PHLPP1: variants seen among roughly 807,000 people sequenced by gnomAD.
PHLPP1 encodes the protein PH domain leucine-rich repeat-containing protein phosphatase 1.
PHLPP1 carries 42 observed loss-of-function variants against 117.2 expected under a neutral mutation model. The observed-to-expected ratio is 0.36, with a 90% CI of 0.28 to 0.46. The LOEUF (loss-of-function observed/expected upper bound fraction) is 0.46, where lower values mean the gene tolerates loss of function less well. Ranked by LOEUF, PHLPP1 falls within the 20% of genes least tolerant of loss-of-function variation. The pLI is 1.00. For synonymous variants in PHLPP1, 1,042 were observed against 970.7 expected (o/e 1.07, Z -1.37); for missense variants, 2,084 against 2,241.9 (o/e 0.93, Z 1.42).
chr18:62,951,301 G>T (rs1421495771), intron 12 of PHLPP1, among the ~76,000 whole-genome samples: 3 of 152,044 alleles, frequency 2.0e-5, no homozygotes, highest in Admixed American at 1.3e-4. Context: ...AGTTTTGTGT[G>T]TGTTTGTTTT....
At chr18:62,901,116 T>TA (rs1045065350) in intron 6 of PHLPP1, among the ~76,000 whole-genome samples, 2 of 152,182 alleles carry the variant, frequency 1.3e-5, no homozygotes, top group African/African-American at 4.8e-5. Flanking sequence ...CAATGCTTAT[T>TA]ATTTTAGTAC....
chr18:62,808,823 G>A (rs1914031651), intron 1 of PHLPP1, among the ~76,000 whole-genome samples: 1 of 152,036 alleles, frequency 6.6e-6, no homozygotes, highest in South Asian at 2.1e-4. Context: ...CAAAGTGCTG[G>A]GATTACAGGC....
chr18:62,920,480 T>C (rs904063686), intron 10 of PHLPP1, among the ~76,000 whole-genome samples: 1 of 152,320 alleles, frequency 6.6e-6, no homozygotes, highest in Non-Finnish European at 1.5e-5. Context: ...CGCTTTCACA[T>C]GTTTGGGACT....
chr18:62,914,348 C>G lies in PHLPP1; in HGVS notation c.2709-565C>G, dbSNP rs532542047. On this transcript the variant is annotated intron_variant, in intron 8 of 16. Coordinates refer to ENST00000262719, the MANE Select transcript of PHLPP1 (RefSeq NM_194449.4). ...TGAACTTGGCATAGGTCTATAGACC[C>G]TTTAGGAAAGTAAATTTGGAGCTAG... Among the ~76,000 whole-genome samples, 4 of 152,238 alleles carry G rather than the reference C, an allele frequency of 2.6e-5. No homozygotes were observed. The East Asian group carries it at 7.7e-4, about 29-fold the overall frequency.
intron 4 of PHLPP1, among the ~76,000 whole-genome samples, chr18:62,866,525 A>G (rs1243003270): frequency 6.6e-6 from 1 of 152,146 alleles, no homozygotes. Flanking sequence ...GATTACAGGC[A>G]TGAGCCACCA....
At chr18:62,955,475 G>A (rs1434707386) in intron 12 of PHLPP1, among the ~76,000 whole-genome samples, 1 of 152,134 alleles carries the variant, frequency 6.6e-6, no homozygotes, top group Non-Finnish European at 1.5e-5. Context: ...GCCCTCCGGG[G>A]GAAATGGGAT....
At chr18:62,974,008 T>C (rs1259439263) in intron 15 of PHLPP1, among the ~76,000 whole-genome samples, 1 of 152,188 alleles carries the variant, frequency 6.6e-6, no homozygotes, top group African/African-American at 2.4e-5. Context: ...ACAGCAAGCA[T>C]GTATCATATG....
At chr18:62,921,524 G>A (rs1909469254) in intron 10 of PHLPP1, among the ~76,000 whole-genome samples, 1 of 152,064 alleles carries the variant, frequency 6.6e-6, no homozygotes, top group Non-Finnish European at 1.5e-5. Context: ...TTGTTCACTT[G>A]TCTCTCTCCA....
At position 62,849,544 on chromosome 18, in the gene PHLPP1, C is replaced by G. The variant is rs540965751; in HGVS notation, c.1899+10635C>G. On this transcript the variant is annotated intron_variant, in intron 3 of 16. Coordinates refer to ENST00000262719, the MANE Select transcript of PHLPP1 (RefSeq NM_194449.4). The stretch of plus-strand genomic sequence containing the variant: ...GGCATTGTGGCACATGCCTGTAATT[C>G]CAGCTACTCAGGAGGCTGAGGCAGG... 4.1e-3 allele frequency among the ~76,000 whole-genome samples: 612 copies of G among 150,756 alleles called. 4 individuals carry two copies. The highest frequency in any genetic ancestry group is 0.014 in the African/African-American group (579 of 40,940).
At chr18:62,720,383 G>A (rs1310857827) in intron 1 of PHLPP1, among the ~76,000 whole-genome samples, 1 of 152,060 alleles carries the variant, frequency 6.6e-6, no homozygotes, top group Non-Finnish European at 1.5e-5. Flanking sequence ...AATGACAAAG[G>A]GTGTTGACAG....
At chr18:62,945,709 G>C (rs1361788771) in intron 12 of PHLPP1, among the ~76,000 whole-genome samples, 3 of 152,152 alleles carry the variant, frequency 2.0e-5, no homozygotes, top group African/African-American at 7.2e-5. Flanking sequence ...CACCATATTA[G>C]CCCACTAATG....
intron 1 of PHLPP1, among the ~76,000 whole-genome samples, chr18:62,810,640 T>C (rs1054784912): frequency 6.6e-6 from 1 of 152,178 alleles, no homozygotes; most frequent in Admixed American, 6.5e-5. Flanking sequence ...TCTGAAAATA[T>C]CTTACTATAC....
At chr18:62,874,655 G>GTGCA (rs1568146197) in intron 4 of PHLPP1, among the ~76,000 whole-genome samples, 2 of 59,022 alleles carry the variant, frequency 3.4e-5, no homozygotes, top group East Asian at 1.1e-3. Flanking sequence ...GCACGCACGC[G>GTGCA]CGCACACACA....
intron 4 of PHLPP1, among the ~76,000 whole-genome samples, chr18:62,870,904 G>C (rs1410017122): frequency 6.6e-6 from 1 of 152,168 alleles, no homozygotes; most frequent in East Asian, 1.9e-4. Flanking sequence ...AACTCTTCAA[G>C]TTAGTTTTCA....
At chr18:62,900,680 G>A (rs575746038) in intron 6 of PHLPP1, among the ~76,000 whole-genome samples, 1 of 151,842 alleles carries the variant, frequency 6.6e-6, no homozygotes, top group Admixed American at 6.6e-5. Flanking sequence ...GCCCAGTCTG[G>A]TCTCAAACGA....
chr18:62,902,537 C>T (rs910934957), intron 6 of PHLPP1, among the ~76,000 whole-genome samples: 4 of 152,134 alleles, frequency 2.6e-5, no homozygotes, highest in African/African-American at 4.8e-5. Context: ...ATTAAATATT[C>T]GTTGTAGTTG....
rs1268482391 is a variant in PHLPP1, at chr18:62,978,476, A to G, written c.4199A>G (p.Lys1400Arg). ...GTGCCCGATGCCCTGGCTGCTGCCAAGAAGCTGTGTACCCTGGCCCAGAGC... is the reference window on the plus strand; with the variant it reads ...GTGCCCGATGCCCTGGCTGCTGCCAGGAAGCTGTGTACCCTGGCCCAGAGC... ...RNVPDALAAA[K>R]KLCTLAQSYG... Residue 1400 changes from lysine (K) to arginine (R), a missense_variant, in exon 17 of 17, where the codon AAG becomes AGG. Physicochemically the swap from Lys to Arg is conservative, Grantham distance 26 (BLOSUM62 2). Coordinates refer to ENST00000262719, the MANE Select transcript of PHLPP1 (RefSeq NM_194449.4). This position sits in a 1 kb window ranked among gnomAD's most constrained non-coding sequence, Gnocchi z 7.0. 1.2e-6 allele frequency: 2 copies of G among 1,609,774 alleles called. No homozygotes were observed. Among genetic ancestry groups the G allele is most frequent in the Admixed American group, 3.4e-5 (2 of 59,418 alleles).
At chr18:62,848,455 ATTTT>A (rs56223512) in intron 3 of PHLPP1, among the ~76,000 whole-genome samples, 1 of 88,544 alleles carries the variant, frequency 1.1e-5, no homozygotes, top group Non-Finnish European at 2.1e-5. Flanking sequence ...TTTTTTGTTG[ATTTT>A]TTTTTTTTTT....
chr18:62,881,107 T>C (rs1374658614), intron 4 of PHLPP1, among the ~76,000 whole-genome samples: 1 of 152,206 alleles, frequency 6.6e-6, no homozygotes, highest in African/African-American at 2.4e-5. Context: ...GTTTTCTCTT[T>C]AGGGCTGGTT....
Sources: allele counts gnomAD v4.1 joint callset (sites outside exome capture counted in the v4.1 genomes callset), GRCh38; gene constraint gnomAD v4.1.1; non-coding constraint Gnocchi (gnomAD v3.1); transcripts MANE v1.5; gene names NCBI Gene and HGNC (gene_info 2026-07-23, HGNC 2026-07-21).